The following FUT9 variants were observed in gnomAD, a reference collection of about 807,000 sequenced individuals.
FUT9 encodes the protein fucosyltransferase 9, also known as 4-galactosyl-N-acetylglucosaminide 3-alpha-L-fucosyltransferase 9.
Under a neutral mutation model 29.7 loss-of-function variants are expected in FUT9, and 15 were observed. The observed-to-expected ratio is 0.51, with a 90% confidence interval of 0.34 to 0.78. The LOEUF is 0.78. Among genes scored for constraint, FUT9 ranks in the 30% least tolerant of loss-of-function variants. The probability of loss-of-function intolerance (pLI) is 0.01; values close to 1 mark genes in which losing one functional copy is unlikely to be tolerated. For synonymous variants in FUT9, 169 were observed against 153.7 expected, an observed-to-expected ratio of 1.10 and a Z score of -0.74; for missense variants, 319 against 425.4, an observed-to-expected ratio of 0.75 and a Z score of 2.20.
chr6:96,030,335 G>A (rs541789276), intron 1 of FUT9, among the ~76,000 whole-genome samples: 9 of 151,460 alleles, frequency 5.9e-5, no homozygotes, highest in Non-Finnish European at 1.3e-4. Context: ...GAGATACATG[G>A]TAGGCAAAAA....
At chr6:96,032,216 G>A (rs1256560775) in intron 1 of FUT9, among the ~76,000 whole-genome samples, 3 of 151,654 alleles carry the variant, frequency 2.0e-5, no homozygotes, top group Admixed American at 6.6e-5. Context: ...CGGAGGAGTC[G>A]TACTTATTTT....
chr6:96,040,219 C>A (rs6915648), intron 1 of FUT9, among the ~76,000 whole-genome samples: 8,957 of 152,154 alleles, frequency 0.059, 741 homozygotes, highest in African/African-American at 0.18. Context: ...TTTAAATGGT[C>A]CATCTAGTTG....
At chr6:96,168,547 T>C (rs1457800841) in intron 2 of FUT9, among the ~76,000 whole-genome samples, 1 of 152,146 alleles carries the variant, frequency 6.6e-6, no homozygotes, top group East Asian at 1.9e-4. Flanking sequence ...GTGAATAAGA[T>C]GAAGACTGAG....
chr6:96,078,582 G>T (rs186138808), intron 1 of FUT9, among the ~76,000 whole-genome samples: 16 of 151,386 alleles, frequency 1.1e-4, no homozygotes, highest in Non-Finnish European at 2.1e-4. Context: ...CACTACGCCC[G>T]GCTAATTTTC....
chr6:96,178,361 G>C (rs1321907009), intron 2 of FUT9, among the ~76,000 whole-genome samples: 1 of 152,026 alleles, frequency 6.6e-6, no homozygotes, highest in East Asian at 1.9e-4. Context: ...AAGAAGTCTT[G>C]GCCCAGAAGC....
intron 1 of FUT9, among the ~76,000 whole-genome samples, chr6:96,104,124 C>T (rs935847477): frequency 2.6e-5 from 4 of 152,182 alleles, no homozygotes; most frequent in African/African-American, 7.2e-5. Flanking sequence ...GAATAATGTA[C>T]ACACTGTTAA....
At chr6:96,023,401 A>G (rs2127922510) in intron 1 of FUT9, among the ~76,000 whole-genome samples, 2 of 152,078 alleles carry the variant, frequency 1.3e-5, no homozygotes, top group Middle Eastern at 6.8e-3. Flanking sequence ...TGGCTGATTA[A>G]CAGGACATCA....
chr6:96,167,774 A>T (rs1266115213), intron 2 of FUT9, among the ~76,000 whole-genome samples: 1 of 152,178 alleles, frequency 6.6e-6, no homozygotes, highest in East Asian at 1.9e-4. Flanking sequence ...TTTGAACAAA[A>T]GTGTGGGAGA....
intron 2 of FUT9, among the ~76,000 whole-genome samples, chr6:96,159,389 C>G (rs1314965708): frequency 6.6e-6 from 1 of 151,988 alleles, no homozygotes; most frequent in Non-Finnish European, 1.5e-5. Context: ...AGCATCTTTT[C>G]TCTATAACTT....
At chr6:96,118,653 A>C (rs1771961242) in intron 2 of FUT9, among the ~76,000 whole-genome samples, 1 of 152,208 alleles carries the variant, frequency 6.6e-6, no homozygotes, top group African/African-American at 2.4e-5. Context: ...CTAATTTAAA[A>C]AACTTAATTA....
chr6:96,168,815 G>C (rs1773059192), intron 2 of FUT9, among the ~76,000 whole-genome samples: 1 of 152,044 alleles, frequency 6.6e-6, no homozygotes, highest in South Asian at 2.1e-4. Flanking sequence ...TAATCCCACA[G>C]AAAGTGAAAA....
At chr6:96,157,293 A>C (rs1772803425) in intron 2 of FUT9, among the ~76,000 whole-genome samples, 1 of 152,248 alleles carries the variant, frequency 6.6e-6, no homozygotes, top group East Asian at 1.9e-4. Context: ...AGTCACTGAA[A>C]ACATCACAAA....
intron 1 of FUT9, among the ~76,000 whole-genome samples, chr6:96,087,948 G>C (rs1771346181): frequency 6.6e-6 from 1 of 152,106 alleles, no homozygotes; most frequent in Non-Finnish European, 1.5e-5. Context: ...GTATGTGTCT[G>C]AGAAAGTCTT....
intron 2 of FUT9, among the ~76,000 whole-genome samples, chr6:96,183,979 C>T (rs1268168501): frequency 6.6e-6 from 1 of 151,862 alleles, no homozygotes; most frequent in Non-Finnish European, 1.5e-5. Flanking sequence ...GGGAGGATTC[C>T]CTCTTTCTCT....
In FUT9 at chr6:96,203,388, A is replaced by G; in HGVS notation, c.233A>G (p.Asp78Gly). 1.9e-6 allele frequency: 3 copies of G among 1,611,504 alleles called. No homozygotes were observed. The highest frequency in any genetic ancestry group is 2.5e-6 in the Non-Finnish European group (3 of 1,178,332). The change falls in exon 3 of 3, where the codon GAC becomes GGC. Residue 78 changes from aspartate to glycine, a missense_variant. Transcript: ENST00000302103. The part of the protein sequence containing the change: ...VWVWPFGQTF[D>G]LTSCQAMFNI... The stretch of plus-strand genomic sequence containing the variant: ...GTGTGGCCATTTGGGCAGACCTTTG[A>G]CCTTACATCCTGCCAAGCAATGTTC...
At chr6:96,122,255 A>C (rs977651753) in intron 2 of FUT9, among the ~76,000 whole-genome samples, 1 of 152,210 alleles carries the variant, frequency 6.6e-6, no homozygotes, top group Non-Finnish European at 1.5e-5. Context: ...GGAAATCTCT[A>C]GTGCAGAAGT....
chr6:96,022,355 C>T (rs552368119), intron 1 of FUT9, among the ~76,000 whole-genome samples: 1 of 152,180 alleles, frequency 6.6e-6, no homozygotes, highest in Admixed American at 6.5e-5. Context: ...TATTTGTCTT[C>T]ACCAACAGCT....
At chr6:96,080,868 G>A (rs950165014) in intron 1 of FUT9, among the ~76,000 whole-genome samples, 5 of 151,858 alleles carry the variant, frequency 3.3e-5, no homozygotes, top group Non-Finnish European at 5.9e-5. Context: ...GTCCAGATTC[G>A]AACTCTTATT....
At chr6:96,074,721 T>A (rs1300123585) in intron 1 of FUT9, among the ~76,000 whole-genome samples, 1 of 152,170 alleles carries the variant, frequency 6.6e-6, no homozygotes, top group Non-Finnish European at 1.5e-5. Context: ...CAATCAAATA[T>A]TGTCACTGTA....
Sources: gnomAD v4.1 joint callset for allele counts (sites outside exome capture counted in the v4.1 genomes callset) on GRCh38, gnomAD v4.1.1 for gene constraint, MANE v1.5 for transcripts, NCBI Gene and HGNC (gene_info 2026-07-23, HGNC 2026-07-21) for gene names.